CRPPA: variants seen among roughly 807,000 people sequenced by gnomAD.
CRPPA encodes the protein D-ribitol-5-phosphate cytidylyltransferase.
CRPPA carries 43 observed loss-of-function variants against 52.0 expected under a neutral mutation model. The ratio of observed to expected loss-of-function variants is 0.83; its 90% CI spans 0.65 to 1.07. The LOEUF is 1.07. Among genes scored for constraint, CRPPA ranks in the 50% least tolerant of loss-of-function variants. The pLI is 0.00. For synonymous variants in CRPPA, 250 were observed against 203.5 expected, an observed-to-expected ratio of 1.23 and a Z score of -1.94; for missense variants, 629 against 551.7, an observed-to-expected ratio of 1.14 and a Z score of -1.40.
At chr7:16,185,034 G>A (rs945426563) in intron 9 of CRPPA, among the ~76,000 whole-genome samples, 5 of 152,128 alleles carry the variant, frequency 3.3e-5, no homozygotes, top group African/African-American at 1.2e-4. Flanking sequence ...AGGTACCATA[G>A]ACTATTTTAA....
chr7:16,102,719 G>A (rs375711270), intron 9 of CRPPA, among the ~76,000 whole-genome samples: 2 of 152,074 alleles, frequency 1.3e-5, no homozygotes, highest in African/African-American at 4.8e-5. Context: ...GCTCATCACT[G>A]GTCAGTAGAG....
At chr7:16,144,825 A>G (rs1051149567) in intron 9 of CRPPA, among the ~76,000 whole-genome samples, 2 of 152,166 alleles carry the variant, frequency 1.3e-5, no homozygotes, top group African/African-American at 4.8e-5. Flanking sequence ...GTGCAGAGCT[A>G]AGCAGTGTGG....
At chr7:16,212,146 A>T (rs1782164941) in intron 9 of CRPPA, among the ~76,000 whole-genome samples, 1 of 152,120 alleles carries the variant, frequency 6.6e-6, no homozygotes, top group South Asian at 2.1e-4. Context: ...ACAAAAGAAA[A>T]CGTAGAATTC....
At chr7:16,370,495 G>T (rs1316875331) in intron 3 of CRPPA, among the ~76,000 whole-genome samples, 2 of 152,054 alleles carry the variant, frequency 1.3e-5, no homozygotes, top group African/African-American at 4.8e-5. Flanking sequence ...AGCCCCACTG[G>T]GTGGCTAGAC....
rs1290391910 is a variant in CRPPA, at chr7:16,281,538, G to A, written c.836-3312C>T. Among the ~76,000 whole-genome samples, 3 of 151,856 alleles carry A rather than the reference G, an allele frequency of 2.0e-5. No homozygotes were observed. In the East Asian group the frequency reaches 5.8e-4, roughly 29 times the overall value. On this transcript the variant is annotated intron_variant, in intron 5 of 9. Transcript: ENST00000407010. The stretch of plus-strand genomic sequence containing the variant: ...TTTTAAATATTGGCTCTATGCTCAT[G>A]GAAAAAAAAGTTAGCCTGTAATTCT...
intron 9 of CRPPA, among the ~76,000 whole-genome samples, chr7:16,196,995 T>C (rs1781751283): frequency 6.6e-6 from 1 of 151,858 alleles, no homozygotes; most frequent in Non-Finnish European, 1.5e-5. Context: ...TTTGTTCATC[T>C]GACAACATGT....
chr7:16,177,219 T>C (rs955652519), intron 9 of CRPPA, among the ~76,000 whole-genome samples: 1 of 152,120 alleles, frequency 6.6e-6, no homozygotes, highest in South Asian at 2.1e-4. Context: ...TTTTGTACCC[T>C]AGTTGTGCTG....
intron 6 of CRPPA, among the ~76,000 whole-genome samples, chr7:16,271,499 A>C (rs913931649): frequency 6.6e-6 from 1 of 152,094 alleles, no homozygotes; most frequent in Non-Finnish European, 1.5e-5. Context: ...AAAAGCCTAC[A>C]AGGCTCTTTC....
intron 9 of CRPPA, among the ~76,000 whole-genome samples, chr7:16,160,575 T>C (rs376663605): frequency 1.3e-5 from 2 of 152,306 alleles, no homozygotes; most frequent in East Asian, 3.9e-4. Context: ...AGCCTTGTAG[T>C]ATAGATTGAA....
At chr7:16,126,283 T>C (rs1782579386) in intron 9 of CRPPA, among the ~76,000 whole-genome samples, 1 of 152,106 alleles carries the variant, frequency 6.6e-6, no homozygotes, top group Non-Finnish European at 1.5e-5. Context: ...TGTGGGCACT[T>C]TGTCCAGAGA....
chr7:16,331,248 C>G (rs1785546211), intron 3 of CRPPA, among the ~76,000 whole-genome samples: 1 of 152,152 alleles, frequency 6.6e-6, no homozygotes, highest in Non-Finnish European at 1.5e-5. Context: ...ATCCGCCTGC[C>G]TCGGCCTCCC....
At chr7:16,096,852 C>T (rs960929028) in intron 9 of CRPPA, among the ~76,000 whole-genome samples, 11 of 152,118 alleles carry the variant, frequency 7.2e-5, no homozygotes, top group Non-Finnish European at 1.0e-4. Flanking sequence ...ACATACTGGG[C>T]GGGAAAATAT....
rs915689107 is a variant in CRPPA, at chr7:16,342,852, T to G, written c.684+33240A>C. On this transcript the variant is annotated intron_variant, in intron 3 of 9. Coordinates refer to ENST00000407010, the MANE Select transcript of CRPPA (RefSeq NM_001101426.4). ...AGATATATAGATATATAGATATACA[T>G]ATATAGATATATAGAGATATATATA... Among the ~76,000 whole-genome samples, 59 of 132,040 alleles carry G rather than the reference T, an allele frequency of 4.5e-4. 1 individual carries two copies. The highest frequency in any genetic ancestry group is 1.2e-3 in the African/African-American group (48 of 39,190). 86.6% of individuals were successfully genotyped at this position (132,040 alleles called of 152,430 possible). A position where few individuals can be genotyped will look rare whatever the true frequency, so the allele number is the denominator to read the frequency against.
intron 8 of CRPPA, among the ~76,000 whole-genome samples, chr7:16,239,137 C>CAAAAAAAAAAAAAAAA (rs35537101): frequency 2.8e-4 from 25 of 88,500 alleles, no homozygotes; most frequent in Non-Finnish European, 3.9e-4. Context: ...GACTCTGTCT[C>CAAAAAAAAAAAAAAAA]AAAAAAAAAA....
intron 9 of CRPPA, among the ~76,000 whole-genome samples, chr7:16,127,254 C>G (rs1406265675): frequency 1.3e-5 from 2 of 152,056 alleles, no homozygotes; most frequent in Non-Finnish European, 2.9e-5. Flanking sequence ...ATGAGAATCA[C>G]TGTTTTATCA....
intron 9 of CRPPA, among the ~76,000 whole-genome samples, chr7:16,191,250 T>C (rs1408009328): frequency 3.9e-5 from 6 of 152,134 alleles, no homozygotes; most frequent in African/African-American, 1.4e-4. Flanking sequence ...GAGTATGTTC[T>C]AGAATGAAGA....
rs1554371369 is a variant in CRPPA at position 16,421,157 on chromosome 7, A to AC, written c.165dup (p.Cys56ValfsTer60). ...GTGGGGACCCCCATCCTCTCCCCGC[A>AC]CCCCCCGGCAGGCAACACAGCTGCC... On this transcript the variant is annotated frameshift_variant, in exon 1 of 10. Transcript: ENST00000407010. LOFTEE classifies it high-confidence loss of function. 3.8e-6 allele frequency: 5 copies of AC among 1,330,588 alleles called. No homozygotes were observed. The highest frequency in any genetic ancestry group is 4.3e-5 in the South Asian group (2 of 46,560). The allele number at this position is 1,330,588 out of a possible 1,614,324, so 82.4% of individuals were successfully genotyped here.
intron 9 of CRPPA, among the ~76,000 whole-genome samples, chr7:16,168,540 C>G (rs940901859): frequency 2.3e-5 from 1 of 44,216 alleles, no homozygotes; most frequent in South Asian, 1.4e-3. Context: ...GTAAAACACA[C>G]ACACACACAC....
chr7:16,400,783 T>G (rs1787796235), intron 2 of CRPPA, among the ~76,000 whole-genome samples: 1 of 152,244 alleles, frequency 6.6e-6, no homozygotes, highest in African/African-American at 2.4e-5. Flanking sequence ...CGTGGACACA[T>G]GCCCAACATA....
Sources: gnomAD v4.1 joint callset for allele counts (sites outside exome capture counted in the v4.1 genomes callset) on GRCh38, gnomAD v4.1.1 for gene constraint, MANE v1.5 for transcripts, NCBI Gene and HGNC (gene_info 2026-07-23, HGNC 2026-07-21) for gene names.